Variants in VWA8 observed in about 807,000 individuals in gnomAD.
VWA8 encodes von Willebrand factor A domain-containing protein 8.
A neutral mutation model predicts 241.5 loss-of-function variants in VWA8; 221 were observed. The observed-to-expected ratio is 0.91, with a 90% CI of 0.82 to 1.02. VWA8 has a LOEUF of 1.02. Ranked by LOEUF, VWA8 falls within the 50% of genes least tolerant of loss-of-function variation. The probability of loss-of-function intolerance (pLI) is 0.00; values close to 1 mark genes in which losing one functional copy is unlikely to be tolerated. For missense variants in VWA8, 2,322 were observed against 2,328.7 expected (o/e 1.00, Z 0.06); for synonymous variants, 852 against 827.1 (o/e 1.03, Z -0.52).
chr13:41,762,058 A>G (rs1333758441), intron 20 of VWA8, among the ~76,000 whole-genome samples: 1 of 152,126 alleles, frequency 6.6e-6, no homozygotes, highest in Non-Finnish European at 1.5e-5. Flanking sequence ...GAAACCCAAA[A>G]TGCTGCAAAT....
rs780899149 is a variant in VWA8 at position 41,942,774 on chromosome 13, A to C, written c.241+7162T>G. ...TGGTAGGAGAGAAGAGGTGACAGAG[A>C]TTCCTCCTAGGCACTCCAGGTCTTT... On this transcript the variant is annotated intron_variant, in intron 2 of 44. Coordinates refer to ENST00000379310, the MANE Select transcript of VWA8 (RefSeq NM_015058.2). Among the ~76,000 whole-genome samples the C allele has an allele frequency of 1.1e-4, 16 of 152,200 alleles. 1 individual carries two copies. Among genetic ancestry groups the C allele is most frequent in the Non-Finnish European group, 1.8e-4 (12 of 68,038 alleles).
chr13:41,889,458 A>C (rs1874716051), intron 5 of VWA8, among the ~76,000 whole-genome samples: 1 of 151,640 alleles, frequency 6.6e-6, no homozygotes, highest in Non-Finnish European at 1.5e-5. Context: ...GGCTCACCAC[A>C]ATCTCAGCCT....
intron 12 of VWA8, among the ~76,000 whole-genome samples, chr13:41,847,342 C>T (rs1246202015): frequency 4.6e-5 from 7 of 152,152 alleles, no homozygotes; most frequent in Non-Finnish European, 8.8e-5. Context: ...GCATCAAAAA[C>T]GCTTTCTCTA....
chr13:41,908,412 C>A (rs922454803), intron 3 of VWA8, among the ~76,000 whole-genome samples: 1 of 151,718 alleles, frequency 6.6e-6, no homozygotes, highest in Non-Finnish European at 1.5e-5. Flanking sequence ...GTTGAGGTTG[C>A]AGTAAGCCGA....
intron 39 of VWA8, among the ~76,000 whole-genome samples, chr13:41,607,528 C>A (rs2044560749): frequency 6.6e-6 from 1 of 152,140 alleles, no homozygotes; most frequent in Admixed American, 6.5e-5. Context: ...GCAGGACATG[C>A]CACCTACCCC....
chr13:41,578,209 G>A (rs1242236609), intron 42 of VWA8, among the ~76,000 whole-genome samples: 2 of 151,826 alleles, frequency 1.3e-5, no homozygotes, highest in Non-Finnish European at 2.9e-5. Context: ...TTTGGGTAAG[G>A]AAAGACCAGC....
chr13:41,784,813 T>C (rs184727898), intron 18 of VWA8, among the ~76,000 whole-genome samples: 1 of 146,982 alleles, frequency 6.8e-6, no homozygotes, highest in Admixed American at 6.8e-5. Context: ...AATTACTATT[T>C]TCGAGGTTGG....
At chr13:41,882,250 A>G (rs1223905821) in intron 9 of VWA8, among the ~76,000 whole-genome samples, 6 of 141,522 alleles carry the variant, frequency 4.2e-5, no homozygotes, top group East Asian at 2.1e-4. Flanking sequence ...TGGGATGGCG[A>G]CCGGGAAGAG....
At chr13:41,773,976 T>C (rs1400912113) in intron 20 of VWA8, among the ~76,000 whole-genome samples, 4 of 152,282 alleles carry the variant, frequency 2.6e-5, no homozygotes, top group African/African-American at 7.2e-5. Flanking sequence ...CTAGATTTTA[T>C]CTAATTCATT....
intron 21 of VWA8, among the ~76,000 whole-genome samples, chr13:41,758,457 G>T (rs1593750546): frequency 4.4e-5 from 4 of 90,552 alleles, no homozygotes; most frequent in Non-Finnish European, 4.5e-5. Flanking sequence ...CCATATATAT[G>T]GAATATATGG....
intron 17 of VWA8, among the ~76,000 whole-genome samples, chr13:41,795,221 G>A (rs1385366629): frequency 6.6e-6 from 1 of 152,142 alleles, no homozygotes; most frequent in Admixed American, 6.5e-5. Context: ...GATCATTAGA[G>A]AAATGCAAAT....
At chr13:41,573,969 C>T (rs12873313) in intron 43 of VWA8, among the ~76,000 whole-genome samples, 3,276 of 152,116 alleles carry the variant, frequency 0.022, 82 homozygotes, top group East Asian at 0.1. Flanking sequence ...AAGAGTTCAA[C>T]TGGATTGTTT....
At chr13:41,813,695 C>T (rs1870567440) in intron 16 of VWA8, among the ~76,000 whole-genome samples, 1 of 152,082 alleles carries the variant, frequency 6.6e-6, no homozygotes, top group Admixed American at 6.6e-5. Context: ...CACCAAAATG[C>T]TTTGCAGTAA....
intron 12 of VWA8, among the ~76,000 whole-genome samples, chr13:41,839,969 C>T (rs1260356525): frequency 6.6e-6 from 1 of 152,096 alleles, no homozygotes; most frequent in Non-Finnish European, 1.5e-5. Flanking sequence ...GGCAGTATGG[C>T]CATTTTCATG....
rs773176394 is a variant in VWA8 at position 41,691,346 on chromosome 13, C to G, written c.3840G>C (p.Trp1280Cys). The G allele has an allele frequency of 6.2e-7, 1 of 1,612,304 alleles. No homozygotes were observed. Among genetic ancestry groups the G allele is most frequent in the African/African-American group, 1.3e-5 (1 of 74,810 alleles). Residue 1280 changes from tryptophan to cysteine, a missense_variant, in exon 32 of 45, where the codon TGG (tryptophan) becomes TGC (cysteine). By Grantham distance (215) the Trp-to-Cys change is radical (BLOSUM62 -2). Transcript: ENST00000379310. ...KTVFLVAEDK[W>C]LLVESKTNQK... ...GATTTGTTTTGCTCTCCACCAGAAG[C>G]CATTTGTCCTCTGCTACAAGGAAAA...
intron 20 of VWA8, among the ~76,000 whole-genome samples, chr13:41,770,020 T>C (rs941470935): frequency 1.8e-4 from 28 of 152,086 alleles, no homozygotes; most frequent in African/African-American, 6.5e-4. Flanking sequence ...AAAGAAAGCC[T>C]CATAGAAGAA....
chr13:41,572,159 C>T (rs2044311231), intron 43 of VWA8, among the ~76,000 whole-genome samples: 1 of 152,006 alleles, frequency 6.6e-6, no homozygotes, highest in African/African-American at 2.4e-5. Flanking sequence ...GGCAGCCGCC[C>T]CGTCCGGGAG....
At chr13:41,942,912 A>C (rs1308892765) in intron 2 of VWA8, among the ~76,000 whole-genome samples, 5 of 152,218 alleles carry the variant, frequency 3.3e-5, no homozygotes, top group Non-Finnish European at 7.3e-5. Flanking sequence ...GGCTGAGGGC[A>C]GTACAACAAG....
intron 35 of VWA8, 80 bp downstream of exon 35, chr13:41,684,967 G>T: frequency 8.0e-7 from 1 of 1,242,368 alleles, no homozygotes; most frequent in Non-Finnish European, 1.1e-6. Flanking sequence ...AAATGATAAA[G>T]ATAAATTAAA....
Sources: gnomAD v4.1 joint callset for allele counts (sites outside exome capture counted in the v4.1 genomes callset) on GRCh38, gnomAD v4.1.1 for gene constraint, MANE v1.5 for transcripts, NCBI Gene and HGNC (gene_info 2026-07-23, HGNC 2026-07-21) for gene names.